MBNL3: variants seen among roughly 807,000 people sequenced by gnomAD.
MBNL3 encodes muscleblind like splicing regulator 3, also known as muscleblind-like protein 3.
A neutral mutation model predicts 24.5 loss-of-function variants in MBNL3; 6 were observed. The ratio of observed to expected loss-of-function variants is 0.25; its 90% confidence interval spans 0.13 to 0.48. MBNL3 has a LOEUF of 0.48. Among genes scored for constraint, MBNL3 ranks in the 20% least tolerant of loss-of-function variants. MBNL3 has a pLI of 0.99. For synonymous variants in MBNL3, 100 were observed against 101.7 expected (o/e 0.98, Z 0.10); for missense variants, 230 against 293.5 (o/e 0.78, Z 1.58).
intron 1 of MBNL3, among the ~76,000 whole-genome samples, chrX:132,472,149 G>A (rs1947214249): frequency 8.9e-6 from 1 of 111,765 alleles, no homozygotes; most frequent in African/African-American, 3.3e-5. Context: ...TGTGCCAACT[G>A]CTCTACACAT....
At chrX:132,473,603 T>C (rs1451750634) in intron 1 of MBNL3, among the ~76,000 whole-genome samples, 2 of 110,925 alleles carry the variant, frequency 1.8e-5, no homozygotes, top group East Asian at 5.6e-4. Flanking sequence ...TTTAGAAGAA[T>C]AAACACACGC....
At position 132,370,234 on chromosome X, in the gene MBNL3, A is replaced by G. The variant is rs773678747; in HGVS notation, c.*9432T>C. The stretch of plus-strand genomic sequence containing the variant: ...GTCCATCTGTTAAAGTTTAACAAAT[A>G]TAGGCTTTAAATTACTCCAGAATTA... On this transcript the variant is annotated 3_prime_UTR_variant, in exon 9 of 9. Coordinates refer to ENST00000370853, the MANE Select transcript of MBNL3 (RefSeq NM_001386889.1). The G allele has an allele frequency of 8.9e-6, 1 of 112,077 alleles. No individual in the cohort carries two copies. Among genetic ancestry groups the G allele is most frequent in the East Asian group, 2.8e-4 (1 of 3,558 alleles). The allele number at this position is 112,077 out of a possible 1,213,427, so 9.2% of individuals were successfully genotyped here. A position where few individuals can be genotyped will look rare whatever the true frequency, so the allele number is the denominator to read the frequency against.
intron 2 of MBNL3, among the ~76,000 whole-genome samples, chrX:132,436,019 G>A (rs1046436697): frequency 3.6e-5 from 4 of 112,177 alleles, no homozygotes; most frequent in Admixed American, 9.4e-5. Flanking sequence ...GATTGATTTC[G>A]TTTTAAAAAT....
At chrX:132,480,269 CA>C (rs1293844846) in intron 1 of MBNL3, among the ~76,000 whole-genome samples, 2 of 111,984 alleles carry the variant, frequency 1.8e-5, no homozygotes, top group Non-Finnish European at 3.8e-5. Context: ...ATTACGAGAT[CA>C]AAGTAAAATA....
intron 1 of MBNL3, among the ~76,000 whole-genome samples, chrX:132,451,851 G>A (rs1946129731): frequency 8.9e-6 from 1 of 111,887 alleles, no homozygotes; most frequent in South Asian, 3.7e-4. Context: ...CGTGGAAAAA[G>A]CATAGTATCT....
rs762809506 is a variant in MBNL3 at position 132,443,984 on chromosome X, T to TCCCCCCCCCCCCC, written c.-703-3671_-703-3670insGGGGGGGGGGGGG. Among the ~76,000 whole-genome samples the TCCCCCCCCCCCCC allele has an allele frequency of 1.9e-3, 12 of 6,154 alleles. 3 individuals carry two copies. Among genetic ancestry groups the TCCCCCCCCCCCCC allele is most frequent in the Non-Finnish European group, 2.2e-3 (8 of 3,556 alleles). The allele number at this position is 6,154 out of a possible 115,157, so 5.3% of individuals were successfully genotyped here. Reference sequence around the variant, plus strand: ...AAACTCAAGCAGCCTGACTCCAGAGTCCGCCCCCCCCCCCCCCCCCCACCT... The same window carrying TCCCCCCCCCCCCC: ...AAACTCAAGCAGCCTGACTCCAGAGTCCCCCCCCCCCCCCCGCCCCCCCCCCCCCCCCCCACCT... On this transcript the variant is annotated intron_variant, in intron 1 of 8. Transcript: ENST00000370853.
intron 2 of MBNL3, chrX:132,430,167 A>G (rs1944622166): frequency 1.8e-5 from 2 of 110,804 alleles, no homozygotes; most frequent in Admixed American, 1.9e-4. Context: ...ACAATACCCC[A>G]CAATATTTCT....
chrX:132,419,743 A>G (rs1943618991), intron 2 of MBNL3, among the ~76,000 whole-genome samples: 1 of 112,094 alleles, frequency 8.9e-6, no homozygotes, highest in Admixed American at 9.4e-5. Context: ...AGTGCTTCAA[A>G]TGTACAAGTC....
chrX:132,432,880 G>A (rs1369338572), intron 2 of MBNL3: 1 of 110,551 alleles, frequency 9.0e-6, no homozygotes, highest in East Asian at 2.8e-4. Context: ...AATAATGTAT[G>A]AAAAATAACA....
chrX:132,417,669 G>A (rs770796643), intron 2 of MBNL3, among the ~76,000 whole-genome samples: 11 of 111,140 alleles, frequency 9.9e-5, no homozygotes, highest in South Asian at 3.8e-4. Context: ...TTTAATTAGC[G>A]GAATCCTTAT....
chrX:132,421,756 G>A (rs1295133057), intron 2 of MBNL3, among the ~76,000 whole-genome samples: 2 of 111,220 alleles, frequency 1.8e-5, no homozygotes, highest in Non-Finnish European at 3.8e-5. Flanking sequence ...AAAGCATGGA[G>A]CATCACACTC....
chrX:132,428,116 A>C (rs1044985069), intron 2 of MBNL3, among the ~76,000 whole-genome samples: 2 of 111,741 alleles, frequency 1.8e-5, no homozygotes, highest in African/African-American at 6.5e-5. Context: ...GCATACATTT[A>C]AATGCCTATG....
intron 1 of MBNL3, among the ~76,000 whole-genome samples, chrX:132,457,335 T>C (rs908349701): frequency 1.8e-5 from 2 of 111,634 alleles, no homozygotes; most frequent in African/African-American, 6.5e-5. Flanking sequence ...TCTGTACATA[T>C]ATGTTGTTAA....
intron 4 of MBNL3, among the ~76,000 whole-genome samples, chrX:132,391,511 A>AATAC (rs1318356120): frequency 3.6e-5 from 4 of 112,124 alleles, no homozygotes; most frequent in Admixed American, 9.5e-5. Flanking sequence ...ATTATATTAC[A>AATAC]ATACATTACT....
chrX:132,434,183 G>A (rs764960134), intron 2 of MBNL3, among the ~76,000 whole-genome samples: 7 of 112,501 alleles, frequency 6.2e-5, no homozygotes, highest in Non-Finnish European at 1.1e-4. Context: ...GTCACACTCT[G>A]CAGTAGTATA....
intron 1 of MBNL3, among the ~76,000 whole-genome samples, chrX:132,470,919 T>C (rs1947147115): frequency 9.0e-6 from 1 of 111,315 alleles, no homozygotes; most frequent in Non-Finnish European, 1.9e-5. Flanking sequence ...AATATAACCA[T>C]GGGGATTATA....
In MBNL3 at chrX:132,370,413, C is replaced by A. The variant is rs1933513711; in HGVS notation, c.*9253G>T. Reference sequence around the variant, plus strand: ...AACTTTCCAGATAATAACAAAATTACGAGAGTGTTCATTTTTTGGCCTTCC... The same window carrying A: ...AACTTTCCAGATAATAACAAAATTAAGAGAGTGTTCATTTTTTGGCCTTCC... On this transcript the variant is annotated 3_prime_UTR_variant, in exon 9 of 9. Coordinates refer to ENST00000370853, the MANE Select transcript of MBNL3 (RefSeq NM_001386889.1). 2 of 111,544 alleles carry A rather than the reference C, an allele frequency of 1.8e-5. No individual in the cohort carries two copies. The highest frequency in any genetic ancestry group is 6.5e-5 in the African/African-American group (2 of 30,638). 9.2% of individuals were successfully genotyped at this position (111,544 alleles called of 1,213,427 possible).
rs1603240037 is a variant in MBNL3 at position 132,426,203 on chromosome X, T to C, written c.177+13232A>G. On this transcript the variant is annotated intron_variant, in intron 2 of 8. Coordinates refer to ENST00000370853, the MANE Select transcript of MBNL3 (RefSeq NM_001386889.1). ...ACGTGTACTAGGCACAAAAGATATG[T>C]TGGTGGACAAGATAGCATCTAATGC... is the stretch of plus-strand genomic sequence containing the variant. 2.7e-5 allele frequency among the ~76,000 whole-genome samples: 3 copies of C among 112,278 alleles called. No individual in the cohort carries two copies. The South Asian group carries it at 1.1e-3, about 42-fold the overall frequency.
At chrX:132,380,127 C>T (rs2033578338) in intron 8 of MBNL3, among the ~76,000 whole-genome samples, 1 of 112,293 alleles carries the variant, frequency 8.9e-6, no homozygotes, top group Non-Finnish European at 1.9e-5. Context: ...TTGTATTGTA[C>T]AAAATTACAT....
Sources: allele counts gnomAD v4.1 joint callset (sites outside exome capture counted in the v4.1 genomes callset), GRCh38; gene constraint gnomAD v4.1.1; transcripts MANE v1.5; gene names NCBI Gene and HGNC (gene_info 2026-07-23, HGNC 2026-07-21).